Variants in IL7 observed in about 807,000 individuals in gnomAD.
IL7 encodes interleukin 7.
A neutral mutation model predicts 21.6 loss-of-function variants in IL7; 3 were observed. The observed-to-expected ratio is 0.14, with a 90% CI of 0.06 to 0.36. The LOEUF is 0.36. IL7 is among the 10% of genes least tolerant of loss of function. The probability of loss-of-function intolerance (pLI) is 1.00; values close to 1 mark genes in which losing one functional copy is unlikely to be tolerated. For missense variants in IL7, 175 were observed against 200.2 expected (o/e 0.87, Z 0.76); for synonymous variants, 62 against 68.1 (o/e 0.91, Z 0.44).
chr8:78,694,041 G>A (rs1050842190), intron 3 of IL7, among the ~76,000 whole-genome samples: 1 of 152,128 alleles, frequency 6.6e-6, no homozygotes, highest in Non-Finnish European at 1.5e-5. Flanking sequence ...TCAGATAGTT[G>A]TAGATGTGTG....
In IL7 at chr8:78,735,274, T is replaced by TTA. The variant is rs1177575772; in HGVS notation, c.414+1199_414+1200insTA. 9.8e-5 allele frequency among the ~76,000 whole-genome samples: 8 copies of TTA among 81,278 alleles called. No homozygotes were observed. In the Admixed American group the frequency reaches 1.3e-3, roughly 13 times the overall value. The allele number at this position is 81,278 out of a possible 152,430, so 53.3% of individuals were successfully genotyped here. On this transcript the variant is annotated intron_variant, in intron 5 of 5. Coordinates refer to ENST00000263851, the MANE Select transcript of IL7 (RefSeq NM_000880.4). ...CCTGGGAAAATAGTTATCTTTTCTTTTCTTTTTTTTTTTTTTTTGTTTTTT... is the reference window on the plus strand; with the variant it reads ...CCTGGGAAAATAGTTATCTTTTCTTTTATCTTTTTTTTTTTTTTTTGTTTTTT...
chr8:78,768,715 G>A (rs1055175941), intron 2 of IL7, among the ~76,000 whole-genome samples: 5 of 151,842 alleles, frequency 3.3e-5, no homozygotes, highest in South Asian at 2.1e-4. Context: ...CTCCCATTTT[G>A]TATGTTGCCT....
rs1274078756 is a variant in IL7 at position 78,678,617 on chromosome 8, G to A, written n.274-2513C>T. The A allele has an allele frequency of 1.7e-5, 27 of 1,612,500 alleles. 1 individual carries two copies. Among genetic ancestry groups the A allele is most frequent in the Non-Finnish European group, 2.2e-5 (26 of 1,179,362 alleles). On this transcript the variant is annotated intron_variant and non_coding_transcript_variant, in intron 4 of 4. Coordinates refer to the IL7 transcript ENST00000523959. ...TGCAACTAAAAAACGGAAGACTTTT[G>A]ATTCAAGCAGACAGAGAGCTGAAGG...
intron 5 of IL7, 22 bp from the exon 6 acceptor site, chr8:78,733,854 G>T: frequency 7.0e-7 from 1 of 1,430,172 alleles, no homozygotes; most frequent in Non-Finnish European, 9.3e-7. Context: ...AGTTTTAAAA[G>T]TTTAAACTTC....
chr8:78,766,837 A>C (rs753299799), intron 2 of IL7, among the ~76,000 whole-genome samples: 2 of 152,206 alleles, frequency 1.3e-5, no homozygotes, highest in Non-Finnish European at 2.9e-5. Flanking sequence ...TTAGTTCCCA[A>C]AAGTGAGATT....
chr8:78,778,117 T>A (rs1202437817), intron 2 of IL7, among the ~76,000 whole-genome samples: 1 of 152,132 alleles, frequency 6.6e-6, no homozygotes. Flanking sequence ...ATTCTTTATT[T>A]AAGAGTCTAG....
chr8:78,690,432 C>T (rs949371828), intron 3 of IL7, among the ~76,000 whole-genome samples: 9 of 151,808 alleles, frequency 5.9e-5, no homozygotes, highest in African/African-American at 1.2e-4. Flanking sequence ...TGGTGGCGGG[C>T]GCCTGTAGTC....
intron 3 of IL7, among the ~76,000 whole-genome samples, chr8:78,693,297 G>T (rs1230946182): frequency 3.3e-5 from 5 of 151,494 alleles, no homozygotes; most frequent in Non-Finnish European, 5.9e-5. Flanking sequence ...GATCCCTGAG[G>T]AATCACCACA....
At chr8:78,682,451 A>ATGG (rs1809818182) in intron 4 of IL7, among the ~76,000 whole-genome samples, 2 of 152,164 alleles carry the variant, frequency 1.3e-5, no homozygotes, top group Non-Finnish European at 1.5e-5. Flanking sequence ...CACATCTTAC[A>ATGG]TGGCGGCAGA....
chr8:78,759,016 A>G (rs1011935438), intron 2 of IL7, among the ~76,000 whole-genome samples: 2 of 151,228 alleles, frequency 1.3e-5, no homozygotes, highest in Non-Finnish European at 2.9e-5. Context: ...ATGGTGTCCT[A>G]TATGTCATTA....
At chr8:78,683,541 C>A (rs1404433955) in intron 4 of IL7, among the ~76,000 whole-genome samples, 1 of 152,176 alleles carries the variant, frequency 6.6e-6, no homozygotes, top group East Asian at 1.9e-4. Context: ...CTACGCTGCA[C>A]ACAGTAGGGG....
chr8:78,776,504 A>G (rs1311866329), intron 2 of IL7, among the ~76,000 whole-genome samples: 1 of 152,100 alleles, frequency 6.6e-6, no homozygotes, highest in Non-Finnish European at 1.5e-5. Context: ...GCAAAATCAT[A>G]TTGTGTATGT....
At chr8:78,698,626 C>A in intron 3 of IL7, 1 of 806,994 alleles carries the variant, frequency 1.2e-6, no homozygotes, top group Non-Finnish European at 1.8e-6. Context: ...GTTCATTTGT[C>A]TTTTAACATT....
At chr8:78,794,905 C>T (rs11997405) in intron 2 of IL7, among the ~76,000 whole-genome samples, 2,327 of 152,190 alleles carry the variant, frequency 0.015, 51 homozygotes, top group African/African-American at 0.053. Flanking sequence ...CCAAACCCAA[C>T]ATCACCTACA....
chr8:78,786,401 T>A (rs757740705), intron 2 of IL7, among the ~76,000 whole-genome samples: 1 of 152,172 alleles, frequency 6.6e-6, no homozygotes, highest in East Asian at 1.9e-4. Flanking sequence ...GCACCTTCCA[T>A]GAATGGAGCT....
At chr8:78,765,523 C>A (rs536044725) in intron 2 of IL7, among the ~76,000 whole-genome samples, 1 of 151,774 alleles carries the variant, frequency 6.6e-6, no homozygotes, top group African/African-American at 2.4e-5. Flanking sequence ...TGGCAAAAAA[C>A]CTGAATAAGC....
intron 3 of IL7, among the ~76,000 whole-genome samples, chr8:78,726,237 G>A (rs1330191301): frequency 6.6e-6 from 1 of 151,812 alleles, no homozygotes; most frequent in South Asian, 2.1e-4. Flanking sequence ...CTTGTTTCTT[G>A]GATTATTTTC....
Position 78,795,484 on chromosome 8 carries a change from T to C in IL7, c.147+2588A>G, listed in dbSNP as rs114409932. Among the ~76,000 whole-genome samples, 586 of 152,140 alleles carry C rather than the reference T, an allele frequency of 3.9e-3. 4 individuals carry two copies. The highest frequency in any genetic ancestry group is 0.014 in the African/African-American group (561 of 41,536). On this transcript the variant is annotated intron_variant, in intron 2 of 5. Coordinates refer to ENST00000263851, the MANE Select transcript of IL7 (RefSeq NM_000880.4). Reference sequence around the variant, plus strand: ...CATGTTTTGTTTTTTGAAAATAATATAATTATTGCTGCTGATGTACTTGTT... The same window carrying C: ...CATGTTTTGTTTTTTGAAAATAATACAATTATTGCTGCTGATGTACTTGTT...
At chr8:78,689,636 A>G (rs1237755290) in intron 3 of IL7, among the ~76,000 whole-genome samples, 2 of 151,866 alleles carry the variant, frequency 1.3e-5, no homozygotes, top group African/African-American at 4.8e-5. Context: ...TTGTATATAT[A>G]AAATATATAA....
Sources: allele counts gnomAD v4.1 joint callset (sites outside exome capture counted in the v4.1 genomes callset), GRCh38; gene constraint gnomAD v4.1.1; transcripts MANE v1.5; gene names NCBI Gene and HGNC (gene_info 2026-07-23, HGNC 2026-07-21).